LPP: variants seen among roughly 807,000 people sequenced by gnomAD.
LPP encodes the protein LIM domain containing preferred translocation partner in lipoma, also known as lipoma-preferred partner.
In LPP, 38 loss-of-function variants were observed where a neutral mutation model predicts 60.4. The observed-to-expected ratio is 0.63, with a 90% CI of 0.49 to 0.83. LPP has a LOEUF of 0.83. Ranked by LOEUF, LPP falls within the 40% of genes least tolerant of loss-of-function variation. The probability of loss-of-function intolerance (pLI) is 0.00; values close to 1 mark genes in which losing one functional copy is unlikely to be tolerated. For synonymous variants in LPP, 328 were observed against 290.8 expected, an observed-to-expected ratio of 1.13 and a Z score of -1.30; for missense variants, 902 against 783.6, an observed-to-expected ratio of 1.15 and a Z score of -1.80.
intron 3 of LPP, among the ~76,000 whole-genome samples, chr3:188,367,696 T>C (rs1771635258): frequency 6.6e-6 from 1 of 152,216 alleles, no homozygotes; most frequent in African/African-American, 2.4e-5. Context: ...GATTCATAAA[T>C]GGTCAAATCA....
chr3:188,591,565 T>C lies in LPP; in HGVS notation c.430-17596T>C, dbSNP rs1838709677. Among the ~76,000 whole-genome samples the C allele has an allele frequency of 2.6e-5, 4 of 152,234 alleles. No homozygotes were observed. In the South Asian group the frequency reaches 8.3e-4, roughly 31 times the overall value. On this transcript the variant is annotated intron_variant, in intron 6 of 11. Coordinates refer to ENST00000617246, the MANE Select transcript of LPP (RefSeq NM_001375462.1). ...GTTAATGCTCTGGGAGCCTTTTTCCTTCAAACTCTCTATTCCTAGTTAGGG... is the reference window on the plus strand; with the variant it reads ...GTTAATGCTCTGGGAGCCTTTTTCCCTCAAACTCTCTATTCCTAGTTAGGG...
chr3:188,432,155 A>C (rs1791055135), intron 4 of LPP, among the ~76,000 whole-genome samples: 1 of 152,162 alleles, frequency 6.6e-6, no homozygotes, highest in Non-Finnish European at 1.5e-5. Flanking sequence ...ATTAAGGCTC[A>C]GAGAGATAGT....
chr3:188,307,534 T>C (rs141856386), intron 2 of LPP, among the ~76,000 whole-genome samples: 133 of 152,332 alleles, frequency 8.7e-4, no homozygotes, highest in African/African-American at 3.0e-3. Flanking sequence ...TCTCTGAAAA[T>C]TATGTGCATC....
At chr3:188,631,089 T>A (rs965602372) in intron 7 of LPP, among the ~76,000 whole-genome samples, 3 of 151,970 alleles carry the variant, frequency 2.0e-5, no homozygotes, top group South Asian at 2.1e-4. Flanking sequence ...ACTACCTGGG[T>A]GATGAAATAG....
At chr3:188,520,699 G>C (rs2150135927) in intron 5 of LPP, among the ~76,000 whole-genome samples, 1 of 152,306 alleles carries the variant, frequency 6.6e-6, no homozygotes, top group East Asian at 1.9e-4. Context: ...TTTCTTGGCA[G>C]AACACAGACT....
intron 1 of LPP, among the ~76,000 whole-genome samples, chr3:188,163,835 C>G (rs1480508988): frequency 1.3e-5 from 2 of 150,482 alleles, no homozygotes; most frequent in East Asian, 3.9e-4. Context: ...CCTGTAATCC[C>G]AGCTACTCGG....
At chr3:188,305,229 A>T (rs181622759) in intron 2 of LPP, among the ~76,000 whole-genome samples, 5 of 152,334 alleles carry the variant, frequency 3.3e-5, no homozygotes, top group Non-Finnish European at 7.3e-5. Context: ...TACTTTAAAA[A>T]AATTGTTAGG....
intron 6 of LPP, among the ~76,000 whole-genome samples, chr3:188,592,149 T>C (rs765298815): frequency 1.3e-4 from 20 of 152,188 alleles, no homozygotes; most frequent in Non-Finnish European, 2.2e-4. Context: ...ATATGTATGA[T>C]AAATAGGAAA....
chr3:188,833,067 T>C (rs1388493780), intron 9 of LPP, among the ~76,000 whole-genome samples: 4 of 152,202 alleles, frequency 2.6e-5, no homozygotes, highest in Non-Finnish European at 4.4e-5. Flanking sequence ...GTTGTGACGA[T>C]CAAGTAAGAC....
intron 4 of LPP, among the ~76,000 whole-genome samples, chr3:188,415,588 A>G (rs1348025163): frequency 1.3e-5 from 2 of 152,132 alleles, no homozygotes; most frequent in Admixed American, 6.6e-5. Context: ...TGGTACAGCC[A>G]TACAATGGAA....
intron 9 of LPP, among the ~76,000 whole-genome samples, chr3:188,777,944 G>A (rs368776476): frequency 1.1e-4 from 16 of 152,108 alleles, no homozygotes; most frequent in Non-Finnish European, 1.9e-4. Context: ...ACTCAACTAC[G>A]ATTTGCAATT....
At chr3:188,195,348 C>T (rs1466117061) in intron 1 of LPP, among the ~76,000 whole-genome samples, 2 of 151,942 alleles carry the variant, frequency 1.3e-5, no homozygotes, top group Admixed American at 6.6e-5. Flanking sequence ...AAACTTACGC[C>T]GTTAATATTA....
At chr3:188,355,849 C>A (rs904343906) in intron 3 of LPP, among the ~76,000 whole-genome samples, 24 of 152,242 alleles carry the variant, frequency 1.6e-4, no homozygotes, top group African/African-American at 5.8e-4. Flanking sequence ...GCTCCTCACA[C>A]TTTTTTCATG....
chr3:188,204,297 G>A (rs959411127), intron 1 of LPP, among the ~76,000 whole-genome samples: 3 of 152,136 alleles, frequency 2.0e-5, no homozygotes, highest in Non-Finnish European at 2.9e-5. Flanking sequence ...GAGGCCTTGA[G>A]TCTGGCCTGA....
chr3:188,592,444 A>G (rs996425153), intron 6 of LPP, among the ~76,000 whole-genome samples: 1 of 151,986 alleles, frequency 6.6e-6, no homozygotes, highest in African/African-American at 2.4e-5. Flanking sequence ...TAAAGTTACC[A>G]AAACAGTTGT....
intron 9 of LPP, among the ~76,000 whole-genome samples, chr3:188,838,617 G>T (rs1323148961): frequency 6.6e-6 from 1 of 152,124 alleles, no homozygotes; most frequent in Non-Finnish European, 1.5e-5. Flanking sequence ...TTTAGAAGTT[G>T]AAGTCAGGAC....
At chr3:188,686,253 G>T (rs896239769) in intron 7 of LPP, among the ~76,000 whole-genome samples, 1 of 152,100 alleles carries the variant, frequency 6.6e-6, no homozygotes, top group African/African-American at 2.4e-5. Context: ...CTACCAAAGT[G>T]CATGGCACTT....
intron 9 of LPP, among the ~76,000 whole-genome samples, chr3:188,791,779 C>T (rs1743844215): frequency 6.6e-6 from 1 of 152,138 alleles, no homozygotes; most frequent in African/African-American, 2.4e-5. Flanking sequence ...TTGTCCTGCT[C>T]ATATGTCCTG....
At chr3:188,585,330 T>C (rs566537951) in intron 6 of LPP, among the ~76,000 whole-genome samples, 69 of 152,350 alleles carry the variant, frequency 4.5e-4, no homozygotes, top group African/African-American at 1.4e-3. Context: ...TTTCTACTCT[T>C]AAGATGCATC....
Sources: gnomAD v4.1 joint callset for allele counts (sites outside exome capture counted in the v4.1 genomes callset) on GRCh38, gnomAD v4.1.1 for gene constraint, MANE v1.5 for transcripts, NCBI Gene and HGNC (gene_info 2026-07-23, HGNC 2026-07-21) for gene names.